The following TRIO variants were observed in gnomAD, a reference collection of about 807,000 sequenced individuals.
The protein encoded by TRIO is trio Rho guanine nucleotide exchange factor, also known as triple functional domain protein.
A neutral mutation model predicts 351.9 loss-of-function variants in TRIO; 58 were observed. The observed-to-expected ratio is 0.16, with a 90% CI of 0.13 to 0.21. TRIO has a LOEUF of 0.21. Ranked by LOEUF, TRIO falls within the 10% of genes least tolerant of loss-of-function variation. The probability of loss-of-function intolerance (pLI) is 1.00; values close to 1 mark genes in which losing one functional copy is unlikely to be tolerated. For missense variants in TRIO, 3,201 were observed against 4,027.8 expected (o/e 0.79, Z 5.56); for synonymous variants, 1,758 against 1,595.7 (o/e 1.10, Z -2.42).
At chr5:14,458,928 T>C (rs1333158412) in intron 34 of TRIO, among the ~76,000 whole-genome samples, 1 of 152,256 alleles carries the variant, frequency 6.6e-6, no homozygotes, top group Non-Finnish European at 1.5e-5. Context: ...AATGTTTTAG[T>C]AACTCTTGTT....
At chr5:14,416,424 A>G (rs1579592272) in intron 33 of TRIO, among the ~76,000 whole-genome samples, 1 of 152,064 alleles carries the variant, frequency 6.6e-6, no homozygotes, top group African/African-American at 2.4e-5. Flanking sequence ...CACCCATTTA[A>G]TCCTCCCCTA....
At chr5:14,389,144 G>GT (rs1430543380) in intron 24 of TRIO, 145 bp from the exon 25 acceptor site, 40 of 588,118 alleles carry the variant, frequency 6.8e-5, no homozygotes, top group Non-Finnish European at 1.1e-4. Flanking sequence ...TTTTAGAAGG[G>GT]TTTTTTATGT....
At chr5:14,262,188 C>T (rs957992391) in intron 1 of TRIO, among the ~76,000 whole-genome samples, 8 of 152,126 alleles carry the variant, frequency 5.3e-5, no homozygotes, top group Non-Finnish European at 8.8e-5. Flanking sequence ...ATAGGAACAC[C>T]GAGAAGTCTT....
At chr5:14,456,300 C>T (rs1277042303) in intron 34 of TRIO, among the ~76,000 whole-genome samples, 1 of 152,258 alleles carries the variant, frequency 6.6e-6, no homozygotes, top group African/African-American at 2.4e-5. Flanking sequence ...CCAGCCTCAG[C>T]CAGCTCAGAG....
chr5:14,489,510 C>G (rs1260257348), intron 48 of TRIO, among the ~76,000 whole-genome samples: 1 of 152,158 alleles, frequency 6.6e-6, no homozygotes, highest in Non-Finnish European at 1.5e-5. Flanking sequence ...ACGGGCTATA[C>G]CCGTCAGCAC....
chr5:14,344,339 G>T (rs927779395), intron 11 of TRIO, among the ~76,000 whole-genome samples: 17 of 152,170 alleles, frequency 1.1e-4, no homozygotes, highest in African/African-American at 4.1e-4. Flanking sequence ...TCCCATTGGT[G>T]GGAATATCCA....
At chr5:14,160,291 GC>G (rs1478211680) in intron 1 of TRIO, among the ~76,000 whole-genome samples, 1 of 152,196 alleles carries the variant, frequency 6.6e-6, no homozygotes, top group African/African-American at 2.4e-5. Flanking sequence ...AGTGCCTCCC[GC>G]CGGGGGGTGA....
At chr5:14,382,323 T>C (rs1746175536) in intron 21 of TRIO, among the ~76,000 whole-genome samples, 1 of 152,240 alleles carries the variant, frequency 6.6e-6, no homozygotes, top group African/African-American at 2.4e-5. Context: ...GTTTATGTTT[T>C]CTGTTACTGT....
At chr5:14,415,494 C>T (rs571126680) in intron 33 of TRIO, among the ~76,000 whole-genome samples, 2 of 152,276 alleles carry the variant, frequency 1.3e-5, no homozygotes, top group East Asian at 3.9e-4. Context: ...CGTGACAACT[C>T]GCAGTGTGAG....
chr5:14,251,667 CTT>C (rs1430230345), intron 1 of TRIO, among the ~76,000 whole-genome samples: 1 of 152,160 alleles, frequency 6.6e-6, no homozygotes. Flanking sequence ...GGTGGGGCGT[CTT>C]TTCGTTTATT....
rs149531164 is a variant in TRIO at position 14,414,165 on chromosome 5, G to T, written c.4960-5613G>T. On this transcript the variant is annotated intron_variant, in intron 33 of 56. Coordinates refer to ENST00000344204, the MANE Select transcript of TRIO (RefSeq NM_007118.4). ...TTTTTCAACTGTTTGCCTCTTCCCCGCCCTCGTTCCCTTTTCCACTTCATA... is the reference window on the plus strand; with the variant it reads ...TTTTTCAACTGTTTGCCTCTTCCCCTCCCTCGTTCCCTTTTCCACTTCATA... 5.9e-3 allele frequency among the ~76,000 whole-genome samples: 891 copies of T among 152,218 alleles called. 10 individuals carry two copies. Among genetic ancestry groups the T allele is most frequent in the African/African-American group, 0.021 (852 of 41,522 alleles).
At chr5:14,425,069 A>G (rs987765105) in intron 34 of TRIO, among the ~76,000 whole-genome samples, 2 of 152,206 alleles carry the variant, frequency 1.3e-5, no homozygotes, top group African/African-American at 4.8e-5. Context: ...GGTAAACTCC[A>G]CATAACAAAA....
At position 14,482,646 on chromosome 5, in the gene TRIO, C is replaced by T. The variant is rs1755613017; in HGVS notation, c.6530C>T (p.Ala2177Val). 1.2e-6 allele frequency: 2 copies of T among 1,605,486 alleles called. No individual in the cohort carries two copies. The highest frequency in any genetic ancestry group is 1.3e-5 in the African/African-American group (1 of 74,818). ...ACATTCTTGGTCACAGACCAAGATG[C>T]AGGACTTCTGCCTCGCTGCAGAGAG... ...QDTFLVTDQDAGLLPRCRERR... is the reference protein window; with the variant it reads ...QDTFLVTDQDVGLLPRCRERR... The change falls in exon 46 of 57, where the codon GCA becomes GTA. Residue 2177 changes from alanine (A) to valine (V), a missense_variant. Physicochemically the swap from Ala to Val is moderately conservative, Grantham distance 64. Coordinates refer to ENST00000344204, the MANE Select transcript of TRIO (RefSeq NM_007118.4).
Position 14,358,332 on chromosome 5 carries a change from T to C in TRIO, c.2201T>C (p.Leu734Pro), listed in dbSNP as rs1743825859. ...TVNVIKEGEDLIQQLRDSAIS... is the reference protein window; with the variant it reads ...TVNVIKEGEDPIQQLRDSAIS... The stretch of plus-strand genomic sequence containing the variant: ...AACGTGATCAAGGAAGGGGAGGACC[T>C]CATCCAGCAGCTCAGGTGGGCCTCA... Residue 734 changes from leucine (L) to proline (P), a missense_variant, in exon 12 of 57, where the codon CTC becomes CCC. This residue lies in a region of TRIO where 363 missense variants were observed against 553.5 expected (regional missense o/e 0.66). Coordinates refer to ENST00000344204, the MANE Select transcript of TRIO (RefSeq NM_007118.4). 6.2e-7 allele frequency: 1 copy of C among 1,613,974 alleles called. No individual in the cohort carries two copies. Among genetic ancestry groups the C allele is most frequent in the African/African-American group, 1.3e-5 (1 of 74,920 alleles).
At chr5:14,192,131 A>G (rs547823608) in intron 1 of TRIO, among the ~76,000 whole-genome samples, 6 of 152,202 alleles carry the variant, frequency 3.9e-5, no homozygotes, top group Non-Finnish European at 7.3e-5. Flanking sequence ...TACAGATTGC[A>G]TTGAGCCATA....
At chr5:14,185,194 G>T (rs1581301517) in intron 1 of TRIO, among the ~76,000 whole-genome samples, 2 of 125,102 alleles carry the variant, frequency 1.6e-5, no homozygotes, top group Non-Finnish European at 3.1e-5. Context: ...TTTCCTTCTT[G>T]TTTCTTCTAA....
intron 20 of TRIO, among the ~76,000 whole-genome samples, chr5:14,378,840 A>G (rs201314458): frequency 6.6e-6 from 1 of 152,274 alleles, no homozygotes; most frequent in African/African-American, 2.4e-5. Flanking sequence ...GATTACAGGC[A>G]TGAGCCACCG....
intron 1 of TRIO, among the ~76,000 whole-genome samples, chr5:14,260,285 C>G (rs1297482504): frequency 1.3e-5 from 2 of 152,196 alleles, no homozygotes; most frequent in Non-Finnish European, 2.9e-5. Context: ...ATCTATATCT[C>G]TTTACACATA....
chr5:14,208,911 C>G (rs1233315574), intron 1 of TRIO, among the ~76,000 whole-genome samples: 1 of 152,210 alleles, frequency 6.6e-6, no homozygotes, highest in African/African-American at 2.4e-5. Context: ...CTCAGTTAAA[C>G]TCTGTTATAA....
Sources: gnomAD v4.1 joint callset for allele counts (sites outside exome capture counted in the v4.1 genomes callset) on GRCh38, gnomAD v4.1.1 for gene constraint, gnomAD v4.1.1 regional missense constraint, MANE v1.5 for transcripts, NCBI Gene and HGNC (gene_info 2026-07-23, HGNC 2026-07-21) for gene names.